Variants in GRAMD1C observed in about 807,000 individuals in gnomAD.
GRAMD1C encodes protein Aster-C.
A neutral mutation model predicts 97.8 loss-of-function variants in GRAMD1C; 89 were observed. That is an observed-to-expected ratio of 0.91 (90% CI 0.77 to 1.09). The LOEUF (loss-of-function observed/expected upper bound fraction) is 1.09. Among genes scored for constraint, GRAMD1C ranks in the 50% least tolerant of loss-of-function variants. GRAMD1C has a pLI of 0.00. For missense variants in GRAMD1C, 740 were observed against 766.4 expected (o/e 0.97, Z 0.41); for synonymous variants, 256 against 267.0 (o/e 0.96, Z 0.40).
chr3:113,841,166 A>G (rs776445509), intron 1 of GRAMD1C, among the ~76,000 whole-genome samples: 5 of 151,984 alleles, frequency 3.3e-5, no homozygotes, highest in Admixed American at 6.6e-5. Context: ...ATCATCGAGG[A>G]TGCAGTAATG....
chr3:113,881,092 G>T (rs538196768), intron 5 of GRAMD1C, among the ~76,000 whole-genome samples: 33 of 152,214 alleles, frequency 2.2e-4, no homozygotes, highest in African/African-American at 7.9e-4. Flanking sequence ...TCATTATCTA[G>T]AACTCTTCCC....
rs754552487 is a variant in GRAMD1C at position 113,904,241 on chromosome 3, CAG to C, written c.761_762del (p.Glu254ValfsTer19). ...GAATCAATTAGTCGGGTTTCAGAAA[CAG>C]AGTCATTCGATGGAAATTCATCAAA... is the stretch of plus-strand genomic sequence containing the variant. On this transcript the variant is annotated frameshift_variant, in exon 8 of 18. Transcript: ENST00000358160. LOFTEE classifies it high-confidence loss of function. 6.8e-6 allele frequency: 11 copies of C among 1,607,564 alleles called. No homozygotes were observed. The highest frequency in any genetic ancestry group is 9.4e-6 in the Non-Finnish European group (11 of 1,174,198).
In GRAMD1C at chr3:113,879,135, G is replaced by T. The variant is rs186174455; in HGVS notation, c.459+2875G>T. Among the ~76,000 whole-genome samples, 969 of 152,062 alleles carry T rather than the reference G, an allele frequency of 6.4e-3. 8 individuals are homozygous for T. Among genetic ancestry groups the T allele is most frequent in the Middle Eastern group, 0.01 (3 of 294 alleles). The stretch of plus-strand genomic sequence containing the variant: ...CAAAAGAATCGCTTGAACCCGGGGG[G>T]TGGAGGTTGCAGTGAGTCGAGACCG... On this transcript the variant is annotated intron_variant, in intron 5 of 17. Coordinates refer to ENST00000358160, the MANE Select transcript of GRAMD1C (RefSeq NM_017577.5).
chr3:113,936,536 C>G (rs1239322225), intron 14 of GRAMD1C, 94 bp downstream of exon 14: 2 of 732,836 alleles, frequency 2.7e-6, no homozygotes, highest in South Asian at 1.9e-5. Flanking sequence ...GTCAGGAGGT[C>G]TCCTTTTCTT....
chr3:113,944,777 TA>T (rs746794988), intron 17 of GRAMD1C, among the ~76,000 whole-genome samples: 7 of 152,190 alleles, frequency 4.6e-5, no homozygotes, highest in Non-Finnish European at 8.8e-5. Flanking sequence ...CAACATGTGA[TA>T]GGCAAGCAAC....
chr3:113,897,606 T>A, intron 6 of GRAMD1C: 1 of 983,132 alleles, frequency 1.0e-6, no homozygotes, highest in African/African-American at 1.7e-5. Context: ...AACTGAGAGA[T>A]TGAAGCAGTG....
At chr3:113,850,458 T>G (rs1577124068) in intron 2 of GRAMD1C, 1 of 1,395,412 alleles carries the variant, frequency 7.2e-7, no homozygotes, top group African/African-American at 1.4e-5. Context: ...CAGCGTAGGG[T>G]GGCAGCACAG....
At chr3:113,880,716 T>C (rs1056924282) in intron 5 of GRAMD1C, among the ~76,000 whole-genome samples, 1 of 152,212 alleles carries the variant, frequency 6.6e-6, no homozygotes, top group Non-Finnish European at 1.5e-5. Context: ...TACTGTTATC[T>C]AGACACTGCT....
intron 1 of GRAMD1C, among the ~76,000 whole-genome samples, chr3:113,839,262 A>G (rs1342347263): frequency 1.3e-5 from 2 of 152,050 alleles, no homozygotes; most frequent in East Asian, 1.9e-4. Flanking sequence ...CCCACTGTCA[A>G]CGTTTTTTCC....
intron 6 of GRAMD1C, among the ~76,000 whole-genome samples, chr3:113,895,761 G>A (rs546474420): frequency 3.2e-4 from 49 of 152,104 alleles, no homozygotes; most frequent in South Asian, 2.1e-4. Flanking sequence ...GAGCTACACC[G>A]CCTTCTACCC....
chr3:113,904,325 C>T, intron 8 of GRAMD1C, 53 bp downstream of exon 8: 1 of 1,202,910 alleles, frequency 8.3e-7, no homozygotes, highest in Non-Finnish European at 1.2e-6. Context: ...ATGTCCTAAT[C>T]AGAATACAAG....
chr3:113,848,287 CATGGT>C (rs927853496), intron 2 of GRAMD1C, among the ~76,000 whole-genome samples: 2 of 152,154 alleles, frequency 1.3e-5, no homozygotes, highest in Non-Finnish European at 2.9e-5. Flanking sequence ...GAGATTGGGT[CATGGT>C]ATTACAACAC....
intron 3 of GRAMD1C, 37 bp downstream of exon 3, chr3:113,869,628 T>C: frequency 2.2e-6 from 2 of 892,952 alleles, no homozygotes; most frequent in South Asian, 2.9e-5. Flanking sequence ...TTTTATTACC[T>C]CATTATAAAA....
At chr3:113,892,967 AG>A (rs1363515090) in intron 6 of GRAMD1C, among the ~76,000 whole-genome samples, 1 of 152,184 alleles carries the variant, frequency 6.6e-6, no homozygotes, top group Non-Finnish European at 1.5e-5. Flanking sequence ...AAAAATCAAA[AG>A]AATAATATTT....
At chr3:113,834,078 A>G (rs1709599591), upstream of GRAMD1C, among the ~76,000 whole-genome samples, 2 of 152,192 alleles carry the variant, frequency 1.3e-5, no homozygotes, top group Admixed American at 6.5e-5. Context: ...GTGCAATTAA[A>G]TCTATAGGAA....
At chr3:113,833,468 C>T (rs1365431029) in intron 1 of GRAMD1C, among the ~76,000 whole-genome samples, 1 of 151,938 alleles carries the variant, frequency 6.6e-6, no homozygotes, top group East Asian at 1.9e-4. Context: ...CTACCTGCCC[C>T]CTCTACCAAC....
rs370803094 is a variant in GRAMD1C at position 113,945,498 on chromosome 3, C to T, written c.*20C>T. On this transcript the variant is annotated 3_prime_UTR_variant, in exon 18 of 18. Coordinates refer to ENST00000358160, the MANE Select transcript of GRAMD1C (RefSeq NM_017577.5). ...AGCTAGTGATCTGAAGGACTAAAAC[C>T]GCAGAGATACTTGGAACTTAAAGAA... The T allele has an allele frequency of 5.5e-5, 71 of 1,282,852 alleles. No homozygotes were observed. In the South Asian group the frequency reaches 6.6e-4, roughly 12 times the overall value. The allele number at this position is 1,282,852 out of a possible 1,614,324, so 79.5% of individuals were successfully genotyped here.
chr3:113,893,598 G>A (rs971866828), intron 6 of GRAMD1C, among the ~76,000 whole-genome samples: 1 of 152,158 alleles, frequency 6.6e-6, no homozygotes, highest in African/African-American at 2.4e-5. Context: ...CAAGGACCAT[G>A]TCTGTCTTGT....
At chr3:113,920,158 A>G in intron 10 of GRAMD1C, 1 of 1,409,462 alleles carries the variant, frequency 7.1e-7, no homozygotes, top group Non-Finnish European at 9.9e-7. Flanking sequence ...AGTGATTTGA[A>G]TCTCCAGAAT....
Sources: allele counts gnomAD v4.1 joint callset (sites outside exome capture counted in the v4.1 genomes callset), GRCh38; gene constraint gnomAD v4.1.1; transcripts MANE v1.5; gene names NCBI Gene and HGNC (gene_info 2026-07-23, HGNC 2026-07-21).